SPATA2: variants seen among roughly 807,000 people sequenced by gnomAD.
SPATA2 encodes spermatogenesis associated 2, also known as spermatogenesis-associated protein 2.
In SPATA2, 8 loss-of-function variants were observed where a neutral mutation model predicts 35.4. That is an observed-to-expected ratio of 0.23 (90% CI 0.13 to 0.41). The LOEUF (loss-of-function observed/expected upper bound fraction) is 0.41. Among genes scored for constraint, SPATA2 ranks in the 10% least tolerant of loss-of-function variants. The pLI, the probability that SPATA2 is intolerant of heterozygous loss-of-function variation, is 1.00. For missense variants in SPATA2, 650 were observed against 698.7 expected (o/e 0.93, Z 0.79); for synonymous variants, 293 against 300.9 (o/e 0.97, Z 0.27).
At position 49,906,792 on chromosome 20, in the gene SPATA2, G is replaced by A. The variant is rs755982469; in HGVS notation, c.390C>T (p.Asp130=). The part of the protein sequence containing the change: ...YYVKSTLLEE[D]IRAILSCMGY... ...CCATGCAGCTCAGGATGGCTCGGAT[G>A]TCCTCTTCCAGTAATGTCGACTTGA... is the stretch of plus-strand genomic sequence containing the variant. Residue 130 remains aspartate (D), a synonymous_variant, in exon 3 of 3, where the codon GAC becomes GAT. Transcript: ENST00000289431. This position sits in a 1 kb window ranked among gnomAD's most constrained non-coding sequence, Gnocchi z 8.2. 13 of 1,613,640 alleles carry A rather than the reference G, an allele frequency of 8.1e-6. No individual in the cohort carries two copies. The highest frequency in any genetic ancestry group is 1.1e-5 in the Non-Finnish European group (13 of 1,179,576).
chr20:49,905,793 G>A lies in SPATA2; in HGVS notation c.1389C>T (p.Cys463=), dbSNP rs495337. 0.42 allele frequency: 679,545 copies of A among 1,613,982 alleles called. 149,076 individuals carry two copies. Among genetic ancestry groups the A allele is most frequent in the South Asian group, 0.57 (51,945 of 91,078 alleles). ...AGGTGTTGGTGGCGCCTGGGCGGTT[G>A]CAGAAGCCACAGCGGGAAGTGGGCG... The part of the protein sequence containing the change: ...STTPTSRCGF[C]NRPGATNTCT... The change falls in exon 3 of 3, where the codon TGC becomes TGT. Residue 463 remains cysteine (C), a synonymous_variant. Coordinates refer to ENST00000289431, the MANE Select transcript of SPATA2 (RefSeq NM_006038.4).
At position 49,903,661 on chromosome 20, in the gene SPATA2, G is replaced by C. The variant is rs757566207; in HGVS notation, c.*1958C>G. 3.9e-5 allele frequency: 6 copies of C among 151,942 alleles called. No individual in the cohort carries two copies. The highest frequency in any genetic ancestry group is 7.4e-5 in the Non-Finnish European group (5 of 67,996). 9.4% of individuals were successfully genotyped at this position (151,942 alleles called of 1,614,324 possible). On this transcript the variant is annotated 3_prime_UTR_variant, in exon 3 of 3. Transcript: ENST00000289431. The stretch of plus-strand genomic sequence containing the variant: ...TTAGTCATTCCTGCTTTTGTCCATA[G>C]GGTAAGTTACGTGGCATCACGGTTG...
intron 1 of SPATA2, among the ~76,000 whole-genome samples, chr20:49,910,957 G>A (rs1191858948): frequency 6.6e-6 from 1 of 152,252 alleles, no homozygotes; most frequent in Non-Finnish European, 1.5e-5. Flanking sequence ...GCTCACGCCT[G>A]TAATCCCTAA....
chr20:49,914,196 C>T (rs1421932652), intron 1 of SPATA2, among the ~76,000 whole-genome samples: 2 of 152,080 alleles, frequency 1.3e-5, no homozygotes, highest in African/African-American at 4.8e-5. Context: ...AGATATTGCA[C>T]AGTCAGGGAG....
At chr20:49,909,083 C>T (rs547548780) in intron 1 of SPATA2, among the ~76,000 whole-genome samples, 1 of 152,248 alleles carries the variant, frequency 6.6e-6, no homozygotes, top group Non-Finnish European at 1.5e-5. Context: ...AGTGCAGTGG[C>T]GTGATCTCAG....
chr20:49,904,738 G>C lies in SPATA2; in HGVS notation c.*881C>G, dbSNP rs1014051306. 13 of 152,632 alleles carry C rather than the reference G, an allele frequency of 8.5e-5. 1 individual carries two copies. The highest frequency in any genetic ancestry group is 2.9e-4 in the African/African-American group (12 of 41,438). The allele number at this position is 152,632 out of a possible 1,614,324, so 9.5% of individuals were successfully genotyped here. A position where few individuals can be genotyped will look rare whatever the true frequency, so the allele number is the denominator to read the frequency against. On this transcript the variant is annotated 3_prime_UTR_variant, in exon 3 of 3. Transcript: ENST00000289431. ...GTGAGTGGAGGATACAACACGAATGGGCGCGAGGCCCTCCCTTGGAAGACT... is the reference window on the plus strand; with the variant it reads ...GTGAGTGGAGGATACAACACGAATGCGCGCGAGGCCCTCCCTTGGAAGACT...
chr20:49,906,727 T>C lies in SPATA2; in HGVS notation c.455A>G (p.Glu152Gly). The C allele has an allele frequency of 6.2e-7, 1 of 1,614,204 alleles. No individual in the cohort carries two copies. Among genetic ancestry groups the C allele is most frequent in the Non-Finnish European group, 8.5e-7 (1 of 1,180,036 alleles). ...PELGTAYKLR[E>G]LVETLQVKMV... ...CTTCACCTGGAGGGTCTCCACGAGC[T>C]CTCTGAGCTTGTATGCAGTGCCCAG... Residue 152 changes from glutamate to glycine, a missense_variant, in exon 3 of 3, where the codon GAG becomes GGG. Physicochemically the swap from Glu to Gly is moderately conservative, Grantham distance 98 (BLOSUM62 -2). Transcript: ENST00000289431. This position sits in a 1 kb window ranked among gnomAD's most constrained non-coding sequence, Gnocchi z 8.2.
chr20:49,913,077 C>T (rs1183624434), intron 1 of SPATA2, among the ~76,000 whole-genome samples: 1 of 152,108 alleles, frequency 6.6e-6, no homozygotes, highest in East Asian at 1.9e-4. Context: ...CCACTGCACT[C>T]CGGCCTGGGT....
At chr20:49,910,207 G>A (rs115529842) in intron 1 of SPATA2, among the ~76,000 whole-genome samples, 20 of 152,210 alleles carry the variant, frequency 1.3e-4, no homozygotes, top group African/African-American at 2.7e-4. Flanking sequence ...AGGCACCTGC[G>A]AGTGAGGCCA....
At position 49,905,824 on chromosome 20, in the gene SPATA2, G is replaced by C. The variant is rs769700845; in HGVS notation, c.1358C>G (p.Ser453Cys). 8 of 1,614,218 alleles carry C rather than the reference G, an allele frequency of 5.0e-6. No homozygotes were observed. The highest frequency in any genetic ancestry group is 6.8e-6 in the Non-Finnish European group (8 of 1,180,028). ...LPHLHSKSKPSTTPTSRCGFC... is the reference protein window; with the variant it reads ...LPHLHSKSKPCTTPTSRCGFC... The stretch of plus-strand genomic sequence containing the variant: ...GCCACAGCGGGAAGTGGGCGTGGTG[G>C]AGGGCTTGGATTTGGAGTGAAGGTG... Residue 453 changes from serine to cysteine, a missense_variant, in exon 3 of 3, where the codon TCC becomes TGC. Ser to Cys is a moderately radical substitution (Grantham distance 112). Coordinates refer to ENST00000289431, the MANE Select transcript of SPATA2 (RefSeq NM_006038.4).
At chr20:49,907,668 G>A (rs2090156297) in intron 2 of SPATA2, among the ~76,000 whole-genome samples, 1 of 151,938 alleles carries the variant, frequency 6.6e-6, no homozygotes, top group South Asian at 2.1e-4. Flanking sequence ...TCCCCCGCGT[G>A]GTCTGATTCA....
At chr20:49,907,139 C>A (rs2090151323) in intron 2 of SPATA2, among the ~76,000 whole-genome samples, 1 of 152,176 alleles carries the variant, frequency 6.6e-6, no homozygotes, top group Admixed American at 6.5e-5. Context: ...TGGCTCACTG[C>A]AACCTCCGCC....
At chr20:49,911,481 C>T (rs532034106) in intron 1 of SPATA2, among the ~76,000 whole-genome samples, 3 of 151,650 alleles carry the variant, frequency 2.0e-5, no homozygotes, top group African/African-American at 4.8e-5. Context: ...CTGGGCAACA[C>T]GGTGAAACCC....
At chr20:49,908,670 ACAG>A in intron 1 of SPATA2, 78 bp from the exon 2 acceptor site, 1 of 598,956 alleles carries the variant, frequency 1.7e-6, no homozygotes, top group South Asian at 2.1e-5. Context: ...GGCAAAATGA[ACAG>A]CAGAACTGGC....
chr20:49,910,553 G>A (rs1466872729), intron 1 of SPATA2, among the ~76,000 whole-genome samples: 1 of 152,174 alleles, frequency 6.6e-6, no homozygotes, highest in African/African-American at 2.4e-5. Flanking sequence ...GCTCAGTAAG[G>A]TGACCTGTGT....
At chr20:49,910,162 A>G (rs1279654216) in intron 1 of SPATA2, among the ~76,000 whole-genome samples, 1 of 152,204 alleles carries the variant, frequency 6.6e-6, no homozygotes, top group East Asian at 1.9e-4. Flanking sequence ...AGGGGAGACA[A>G]CACGCGCAGG....
chr20:49,911,442 T>C (rs541457859), intron 1 of SPATA2, among the ~76,000 whole-genome samples: 7 of 151,862 alleles, frequency 4.6e-5, no homozygotes, highest in Admixed American at 2.6e-4. Flanking sequence ...GGCAGGTGGA[T>C]TGCCTGAGCT....
In SPATA2 at chr20:49,903,896, CAGAT is replaced by C. The variant is rs1195528869; in HGVS notation, c.*1719_*1722del. On this transcript the variant is annotated 3_prime_UTR_variant, in exon 3 of 3. Coordinates refer to ENST00000289431, the MANE Select transcript of SPATA2 (RefSeq NM_006038.4). ...CACTGTACATCTACATGTGATCTAC[CAGAT>C]AGATATATATATATATATATATATA... 0.013 allele frequency: 1,084 copies of C among 83,096 alleles called. 64 individuals carry two copies. Among genetic ancestry groups the C allele is most frequent in the African/African-American group, 0.024 (368 of 15,080 alleles). 5.1% of individuals were successfully genotyped at this position (83,096 alleles called of 1,614,324 possible). A position where few individuals can be genotyped will look rare whatever the true frequency, so the allele number is the denominator to read the frequency against.
rs761638697 is a variant in SPATA2 at position 49,908,233 on chromosome 20, G to A, written c.258C>T (p.His86=). 20 of 1,613,984 alleles carry A rather than the reference G, an allele frequency of 1.2e-5. 1 individual carries two copies. The highest frequency in any genetic ancestry group is 1.2e-5 in the Non-Finnish European group (14 of 1,180,036). Residue 86 remains histidine (H), a synonymous_variant, in exon 2 of 3, where the codon CAC becomes CAT. Transcript: ENST00000289431. ...CCGTCTCCAGCATGCTGAAGGCGCC[G>A]TGCAGAGCCCGCAGGCTAGAGGAGC... ...SLSSSSLRAL[H]GAFSMLETVG... is the part of the protein sequence containing the mutation.
Sources: allele counts gnomAD v4.1 joint callset (sites outside exome capture counted in the v4.1 genomes callset), GRCh38; gene constraint gnomAD v4.1.1; non-coding constraint Gnocchi (gnomAD v3.1); transcripts MANE v1.5; gene names NCBI Gene and HGNC (gene_info 2026-07-23, HGNC 2026-07-21).